Variants in BCAR3 observed in about 807,000 individuals in gnomAD.
BCAR3 encodes BCAR3 adaptor protein, NSP family member.
In BCAR3, 37 loss-of-function variants were observed where a neutral mutation model predicts 80.1. The observed-to-expected ratio is 0.46, with a 90% CI of 0.36 to 0.61. BCAR3 has a LOEUF of 0.61. Ranked by LOEUF, BCAR3 falls within the 20% of genes least tolerant of loss-of-function variation. The pLI is 0.00. For synonymous variants in BCAR3, 389 were observed against 418.9 expected (o/e 0.93, Z 0.87); for missense variants, 978 against 1,068.2 (o/e 0.92, Z 1.18).
chr1:93,742,069 G>C (rs2100697308), intron 2 of BCAR3, among the ~76,000 whole-genome samples: 1 of 152,280 alleles, frequency 6.6e-6, no homozygotes, highest in South Asian at 2.1e-4. Context: ...AGAGTTGTCT[G>C]GGTCTGGCAT....
chr1:93,760,422 A>G (rs1459522841), intron 2 of BCAR3, among the ~76,000 whole-genome samples: 1 of 152,148 alleles, frequency 6.6e-6, no homozygotes, highest in Non-Finnish European at 1.5e-5. Context: ...TCTTCCAGGT[A>G]TAAAGCATGA....
At position 93,582,572 on chromosome 1, in the gene BCAR3, C is replaced by A. The variant is rs1220233961; in HGVS notation, c.1415G>T (p.Gly472Val). The change falls in exon 7 of 12, where the codon GGC becomes GTC. Residue 472 changes from glycine to valine, a missense_variant. Gly to Val is a moderately radical substitution (Grantham distance 109, BLOSUM62 -3). Coordinates refer to ENST00000260502, the MANE Select transcript of BCAR3 (RefSeq NM_003567.4). ...ATCATCAAGGATCAAGTAGTTGACG[C>A]CAGAGTTCCGGGGACCTGGCGCCTC... ...QNEAPGPRNS[G>V]VNYLILDDDD... 6.2e-7 allele frequency: 1 copy of A among 1,613,456 alleles called. No homozygotes were observed. The highest frequency in any genetic ancestry group is 1.7e-5 in the Admixed American group (1 of 59,876).
chr1:93,670,905 G>A (rs1382570671), intron 2 of BCAR3, among the ~76,000 whole-genome samples: 1 of 152,104 alleles, frequency 6.6e-6, no homozygotes, highest in Non-Finnish European at 1.5e-5. Context: ...AATCATGCAA[G>A]TTTTAAGGTC....
chr1:93,819,180 C>A (rs1425717361), intron 2 of BCAR3, among the ~76,000 whole-genome samples: 1 of 152,102 alleles, frequency 6.6e-6, no homozygotes, highest in Non-Finnish European at 1.5e-5. Context: ...CATTCTCCCG[C>A]CTCAGGCTCC....
At chr1:93,726,511 A>C (rs1214280915) in intron 2 of BCAR3, among the ~76,000 whole-genome samples, 1 of 152,220 alleles carries the variant, frequency 6.6e-6, no homozygotes, top group Admixed American at 6.5e-5. Context: ...GGGAAAGCTG[A>C]TGTAATTGTG....
chr1:93,595,682 T>C (rs1267015957), intron 3 of BCAR3, among the ~76,000 whole-genome samples: 1 of 152,272 alleles, frequency 6.6e-6, no homozygotes. Flanking sequence ...TTTGCCACTT[T>C]AGATAAGTAC....
intron 2 of BCAR3, among the ~76,000 whole-genome samples, chr1:93,709,181 T>G (rs578017888): frequency 5.3e-4 from 80 of 151,666 alleles, no homozygotes; most frequent in Non-Finnish European, 9.6e-4. Flanking sequence ...CGAGGGGGAG[T>G]CCACAGGCTG....
intron 11 of BCAR3, among the ~76,000 whole-genome samples, chr1:93,566,566 A>G (rs1304144945): frequency 6.6e-6 from 1 of 152,028 alleles, no homozygotes; most frequent in Admixed American, 6.5e-5. Flanking sequence ...ACTGCCCCAC[A>G]CTTTCCAGGA....
At chr1:93,633,230 C>T (rs1675681022) in intron 3 of BCAR3, among the ~76,000 whole-genome samples, 1 of 152,134 alleles carries the variant, frequency 6.6e-6, no homozygotes, top group Non-Finnish European at 1.5e-5. Flanking sequence ...TGGCACAATG[C>T]TAGGTACTGG....
At chr1:93,719,475 G>T (rs1170868072) in intron 2 of BCAR3, among the ~76,000 whole-genome samples, 2 of 150,584 alleles carry the variant, frequency 1.3e-5, no homozygotes, top group East Asian at 3.9e-4. Context: ...CGAGTAGCTG[G>T]GACTACAGGC....
chr1:93,658,414 G>A (rs1461725543), intron 2 of BCAR3, among the ~76,000 whole-genome samples: 2 of 152,054 alleles, frequency 1.3e-5, no homozygotes, highest in Non-Finnish European at 2.9e-5. Flanking sequence ...AAGAATCTAT[G>A]CAGAGCTACT....
chr1:93,635,023 C>T (rs372080742), intron 3 of BCAR3, among the ~76,000 whole-genome samples: 11 of 152,074 alleles, frequency 7.2e-5, no homozygotes, highest in African/African-American at 1.7e-4. Flanking sequence ...GGCCAGAGTT[C>T]GAGACCAGCC....
intron 2 of BCAR3, among the ~76,000 whole-genome samples, chr1:93,774,274 A>T (rs1652460036): frequency 6.6e-6 from 1 of 152,086 alleles, no homozygotes; most frequent in Non-Finnish European, 1.5e-5. Context: ...TGATGAGGTC[A>T]GGAGATCGAG....
At chr1:93,621,343 T>C (rs1057271245) in intron 3 of BCAR3, among the ~76,000 whole-genome samples, 1 of 152,208 alleles carries the variant, frequency 6.6e-6, no homozygotes, top group African/African-American at 2.4e-5. Context: ...GACTGGGGCT[T>C]CCATGGGCCA....
At chr1:93,846,648 C>T (rs953495032) in intron 1 of BCAR3, among the ~76,000 whole-genome samples, 3 of 152,014 alleles carry the variant, frequency 2.0e-5, no homozygotes, top group African/African-American at 7.2e-5. Flanking sequence ...CGCTCGAGCG[C>T]GCGCCCTCCG....
At chr1:93,634,537 C>CA (rs200600750) in intron 3 of BCAR3, among the ~76,000 whole-genome samples, 4 of 151,526 alleles carry the variant, frequency 2.6e-5, no homozygotes, top group Non-Finnish European at 2.9e-5. Context: ...ACTAAAAATA[C>CA]AAAAAAAATT....
intron 2 of BCAR3, among the ~76,000 whole-genome samples, chr1:93,764,473 C>T (rs776861582): frequency 6.6e-6 from 1 of 152,154 alleles, no homozygotes; most frequent in African/African-American, 2.4e-5. Context: ...CCAGCCCAGG[C>T]ACCAAGCCCT....
At chr1:93,663,984 G>A (rs12033667) in intron 2 of BCAR3, among the ~76,000 whole-genome samples, 3 of 152,234 alleles carry the variant, frequency 2.0e-5, no homozygotes, top group East Asian at 3.9e-4. Context: ...CATGTACCTC[G>A]ACCTTGGGAA....
At chr1:93,790,650 A>ATT (rs1653116877) in intron 2 of BCAR3, among the ~76,000 whole-genome samples, 14 of 53,300 alleles carry the variant, frequency 2.6e-4, no homozygotes, top group African/African-American at 8.6e-4. Flanking sequence ...TTTTTTTCTT[A>ATT]ATTTTTTTTT....
Sources: gnomAD v4.1 joint callset for allele counts (sites outside exome capture counted in the v4.1 genomes callset) on GRCh38, gnomAD v4.1.1 for gene constraint, MANE v1.5 for transcripts, NCBI Gene and HGNC (gene_info 2026-07-23, HGNC 2026-07-21) for gene names.